The following WWOX variants were observed in gnomAD, a reference collection of about 807,000 sequenced individuals.
WWOX encodes WW domain containing oxidoreductase.
A neutral mutation model predicts 46.2 loss-of-function variants in WWOX; 69 were observed. The ratio of observed to expected loss-of-function variants is 1.49; its 90% CI spans 1.23 to 1.82. The LOEUF is 1.82. Ranked by LOEUF, WWOX falls within the 40% of genes most tolerant of loss-of-function variation. The probability of loss-of-function intolerance (pLI) is 0.00; values close to 1 mark genes in which losing one functional copy is unlikely to be tolerated. For missense variants in WWOX, 919 were observed against 542.6 expected (o/e 1.69, Z -6.89); for synonymous variants, 359 against 202.6 (o/e 1.77, Z -6.56).
chr16:78,703,272 C>G (rs993836536), intron 8 of WWOX, among the ~76,000 whole-genome samples: 4 of 152,156 alleles, frequency 2.6e-5, no homozygotes, highest in African/African-American at 7.2e-5. Context: ...TACCTTGTTT[C>G]TCTCATAAGT....
intron 6 of WWOX, among the ~76,000 whole-genome samples, chr16:78,403,152 T>TG (rs1426832903): frequency 2.6e-5 from 4 of 152,246 alleles, no homozygotes; most frequent in Non-Finnish European, 5.9e-5. Flanking sequence ...TGAGATGTTT[T>TG]ATTTTTTGAG....
At position 78,347,940 on chromosome 16, in the gene WWOX, G is replaced by A. The variant is rs1225811613; in HGVS notation, c.517-38920G>A. On this transcript the variant is annotated intron_variant, in intron 5 of 8. Coordinates refer to ENST00000566780, the MANE Select transcript of WWOX (RefSeq NM_016373.4). ...GGACTATGGTCTTATTCTGTTTAAC[G>A]GTATGAAGGCTCGCCTGAAAGGCCA... Among the ~76,000 whole-genome samples, 9 of 121,720 alleles carry A rather than the reference G, an allele frequency of 7.4e-5. 2 individuals carry two copies. The South Asian group carries it at 2.0e-3, about 27-fold the overall frequency. The allele number at this position is 121,720 out of a possible 152,430, so 79.9% of individuals were successfully genotyped here. A position where few individuals can be genotyped will look rare whatever the true frequency, so the allele number is the denominator to read the frequency against.
chr16:78,100,068 C>T, intron 1 of WWOX, 183 bp downstream of exon 1: 1 of 1,397,908 alleles, frequency 7.2e-7, no homozygotes, highest in South Asian at 1.7e-5. Flanking sequence ...CTTGGTGGGC[C>T]TCGGGTCCAG....
At chr16:78,355,504 A>T (rs1001940781) in intron 5 of WWOX, 2 of 369,222 alleles carry the variant, frequency 5.4e-6, no homozygotes, top group South Asian at 5.1e-5. Context: ...CGGGAGGCTG[A>T]GACCGAAGAA....
rs376601179 is a variant in WWOX, at chr16:78,789,189, T to C, written c.1056+356437T>C. Among the ~76,000 whole-genome samples, 7 of 152,184 alleles carry C rather than the reference T, an allele frequency of 4.6e-5. No individual in the cohort carries two copies. In the East Asian group the frequency reaches 1.2e-3, roughly 25 times the overall value. ...GAGTCTTCTGTGTTGATTGTCATGG[T>C]GGTGTGAGAGCAGAAGGGAAACATG... On this transcript the variant is annotated intron_variant, in intron 8 of 8. Coordinates refer to ENST00000566780, the MANE Select transcript of WWOX (RefSeq NM_016373.4).
chr16:78,659,319 C>G (rs932138388), intron 8 of WWOX, among the ~76,000 whole-genome samples: 7 of 152,016 alleles, frequency 4.6e-5, no homozygotes, highest in African/African-American at 1.7e-4. Flanking sequence ...ACAGCCTGAG[C>G]TCCTAACCAT....
intron 8 of WWOX, among the ~76,000 whole-genome samples, chr16:79,211,006 T>C (rs1181978101): frequency 6.7e-6 from 1 of 150,250 alleles, no homozygotes; most frequent in African/African-American, 2.5e-5. Flanking sequence ...TGTTATGTGT[T>C]TGTGCTAAGT....
intron 8 of WWOX, among the ~76,000 whole-genome samples, chr16:78,942,632 A>G (rs757666216): frequency 5.9e-5 from 9 of 152,226 alleles, no homozygotes; most frequent in Non-Finnish European, 8.8e-5. Flanking sequence ...AGTTTGAGAC[A>G]TACTTTTCAC....
chr16:79,029,222 C>T (rs534216422), intron 8 of WWOX, among the ~76,000 whole-genome samples: 1 of 152,262 alleles, frequency 6.6e-6, no homozygotes, highest in South Asian at 2.1e-4. Flanking sequence ...TGCCCCACCC[C>T]GTCACGGCTG....
At chr16:78,734,840 C>A (rs1420009823) in intron 8 of WWOX, among the ~76,000 whole-genome samples, 1 of 61,698 alleles carries the variant, frequency 1.6e-5, no homozygotes, top group Non-Finnish European at 3.4e-5. Flanking sequence ...GGACTTCAGT[C>A]CTTTTTTTTT....
intron 5 of WWOX, among the ~76,000 whole-genome samples, chr16:78,199,464 A>G (rs565507165): frequency 1.3e-5 from 2 of 152,244 alleles, no homozygotes; most frequent in East Asian, 3.9e-4. Flanking sequence ...GGGTCAACTA[A>G]TCTTTCCCTG....
chr16:78,184,456 GT>G (rs1187826181), intron 5 of WWOX, among the ~76,000 whole-genome samples: 1 of 151,944 alleles, frequency 6.6e-6, no homozygotes, highest in Non-Finnish European at 1.5e-5. Flanking sequence ...AATCATAAGC[GT>G]TTTATGATTT....
intron 8 of WWOX, among the ~76,000 whole-genome samples, chr16:78,995,235 C>T (rs1257986386): frequency 6.6e-6 from 1 of 151,976 alleles, no homozygotes; most frequent in African/African-American, 2.4e-5. Context: ...AAGCCCATGC[C>T]CAATCCTTGC....
At chr16:79,026,071 G>T (rs770824548) in intron 8 of WWOX, among the ~76,000 whole-genome samples, 2 of 151,516 alleles carry the variant, frequency 1.3e-5, no homozygotes, top group Admixed American at 6.6e-5. Flanking sequence ...AAAATGCTGG[G>T]ATTACAGGCA....
chr16:78,672,134 A>C (rs1417010748), intron 8 of WWOX, among the ~76,000 whole-genome samples: 1 of 152,204 alleles, frequency 6.6e-6, no homozygotes. Context: ...CAGGGCAGCA[A>C]ATACCTTTAA....
chr16:78,261,381 G>C lies in WWOX; in HGVS notation c.516+97092G>C, dbSNP rs140689257. Among the ~76,000 whole-genome samples the C allele has an allele frequency of 7.8e-3, 1,155 of 148,692 alleles. 51 individuals are homozygous for C. Among genetic ancestry groups the C allele is most frequent in the African/African-American group, 0.028 (1,107 of 39,970 alleles). ...GATTGCACCACTGCATTCTAGCCTA[G>C]GCGACAGAGCAAGACCCTGTCTCTA... On this transcript the variant is annotated intron_variant, in intron 5 of 8. Coordinates refer to ENST00000566780, the MANE Select transcript of WWOX (RefSeq NM_016373.4).
At chr16:78,539,180 A>G (rs1451951332) in intron 8 of WWOX, among the ~76,000 whole-genome samples, 6 of 152,252 alleles carry the variant, frequency 3.9e-5, no homozygotes, top group Admixed American at 1.3e-4. Flanking sequence ...TTTGCAGTGC[A>G]TGACACATAG....
In WWOX at chr16:78,340,746, G is replaced by C. The variant is rs2080998171; in HGVS notation, c.517-46114G>C. On this transcript the variant is annotated intron_variant, in intron 5 of 8. Transcript: ENST00000566780. ...GAAGGATCTTCTTATCTTCTGCTTG[G>C]GGAAGGTGTAGCTCTGACTGCTAGA... Among the ~76,000 whole-genome samples, 2 of 117,898 alleles carry C rather than the reference G, an allele frequency of 1.7e-5. 1 individual carries two copies. The highest frequency in any genetic ancestry group is 4.0e-5 in the Non-Finnish European group (2 of 49,764). 77.3% of individuals were successfully genotyped at this position (117,898 alleles called of 152,430 possible).
intron 5 of WWOX, among the ~76,000 whole-genome samples, chr16:78,341,411 C>A (rs4075211): frequency 0.11 from 13,851 of 120,884 alleles, 4,230 homozygotes; most frequent in East Asian, 0.21. Context: ...TTTAAAAAAT[C>A]AATATGTATA....
Sources: gnomAD v4.1 joint callset for allele counts (sites outside exome capture counted in the v4.1 genomes callset) on GRCh38, gnomAD v4.1.1 for gene constraint, MANE v1.5 for transcripts, NCBI Gene and HGNC (gene_info 2026-07-23, HGNC 2026-07-21) for gene names.